Variants in TOX observed in about 807,000 individuals in gnomAD.
TOX encodes the protein thymocyte selection-associated high mobility group box protein TOX.
Under a neutral mutation model 53.7 loss-of-function variants are expected in TOX, and 11 were observed. The ratio of observed to expected loss-of-function variants is 0.20; its 90% CI spans 0.13 to 0.34. The LOEUF (loss-of-function observed/expected upper bound fraction) is 0.34. TOX is among the 10% of genes least tolerant of loss of function. The probability of loss-of-function intolerance (pLI) is 1.00; values close to 1 mark genes in which losing one functional copy is unlikely to be tolerated. For missense variants in TOX, 570 were observed against 664.6 expected (o/e 0.86, Z 1.56); for synonymous variants, 225 against 245.3 (o/e 0.92, Z 0.77).
chr8:58,847,586 G>A (rs73243060), intron 4 of TOX, among the ~76,000 whole-genome samples: 5,745 of 151,992 alleles, frequency 0.038, 199 homozygotes, highest in East Asian at 0.14. Flanking sequence ...CATGAGAAGG[G>A]AGCAAGAATG....
chr8:58,908,736 G>A (rs1209972593), intron 3 of TOX, among the ~76,000 whole-genome samples: 3 of 152,054 alleles, frequency 2.0e-5, no homozygotes, highest in Admixed American at 2.0e-4. Flanking sequence ...TTAGCCCCTG[G>A]AACACACAAG....
At chr8:59,063,098 T>G (rs1303025779) in intron 1 of TOX, among the ~76,000 whole-genome samples, 1 of 152,148 alleles carries the variant, frequency 6.6e-6, no homozygotes, top group Non-Finnish European at 1.5e-5. Flanking sequence ...ACATTTTGAG[T>G]AGGTATTAGT....
In TOX at chr8:59,052,396, T is replaced by A. The variant is rs1034708429; in HGVS notation, c.102+66490A>T. On this transcript the variant is annotated intron_variant, in intron 1 of 8. Coordinates refer to ENST00000361421, the MANE Select transcript of TOX (RefSeq NM_014729.3). ...CTTTAATGAAATCAAATGTCACGTGTCATGTGGAAATAAATCATATTATTT... is the reference window on the plus strand; with the variant it reads ...CTTTAATGAAATCAAATGTCACGTGACATGTGGAAATAAATCATATTATTT... 7.9e-5 allele frequency among the ~76,000 whole-genome samples: 12 copies of A among 152,194 alleles called. No homozygotes were observed. In the East Asian group the frequency reaches 2.1e-3, roughly 27 times the overall value.
At chr8:58,940,978 CAG>C (rs1031393314) in intron 2 of TOX, among the ~76,000 whole-genome samples, 34 of 152,206 alleles carry the variant, frequency 2.2e-4, no homozygotes, top group African/African-American at 7.7e-4. Flanking sequence ...AGGTTAGAGA[CAG>C]GGGGTGTATG....
intron 3 of TOX, among the ~76,000 whole-genome samples, chr8:58,869,517 A>G (rs1811163080): frequency 1.3e-5 from 2 of 152,130 alleles, no homozygotes; most frequent in African/African-American, 4.8e-5. Flanking sequence ...CAGACGAAAG[A>G]CTTCATAACT....
At chr8:58,905,785 T>C (rs1811803576) in intron 3 of TOX, among the ~76,000 whole-genome samples, 1 of 152,244 alleles carries the variant, frequency 6.6e-6, no homozygotes, top group African/African-American at 2.4e-5. Flanking sequence ...TTTTCCATTA[T>C]GTTTCATTAT....
chr8:58,938,298 T>C lies in TOX; in HGVS notation c.411+1004A>G, dbSNP rs1474012596. ...GATTTAGATAAGTGATAATATGAAA[T>C]GTGTTTTTTAATATTGGCAAGTTAA... On this transcript the variant is annotated intron_variant, in intron 3 of 8. Transcript: ENST00000361421. Among the ~76,000 whole-genome samples the C allele has an allele frequency of 2.0e-5, 3 of 152,364 alleles. No individual in the cohort carries two copies. In the East Asian group the frequency reaches 5.8e-4, roughly 29 times the overall value.
At chr8:58,890,400 G>A (rs1811542711) in intron 3 of TOX, among the ~76,000 whole-genome samples, 1 of 152,164 alleles carries the variant, frequency 6.6e-6, no homozygotes, top group Admixed American at 6.5e-5. Flanking sequence ...ATGTTAGAAA[G>A]CAGAAGTCGG....
intron 3 of TOX, among the ~76,000 whole-genome samples, chr8:58,852,585 C>A (rs1038973940): frequency 5.3e-5 from 8 of 152,120 alleles, no homozygotes; most frequent in Non-Finnish European, 1.0e-4. Context: ...GAGGATGAAG[C>A]TTTTAAGGTA....
At chr8:59,010,679 T>C (rs1388372151) in intron 1 of TOX, among the ~76,000 whole-genome samples, 1 of 152,248 alleles carries the variant, frequency 6.6e-6, no homozygotes, top group Admixed American at 6.5e-5. Context: ...TACCACATAG[T>C]GTTATCATGA....
At chr8:58,836,498 T>C (rs1194556192) in intron 5 of TOX, among the ~76,000 whole-genome samples, 9 of 152,208 alleles carry the variant, frequency 5.9e-5, no homozygotes, top group Admixed American at 5.2e-4. Context: ...GTGTGTTTCC[T>C]GTTCTTAAAG....
At chr8:59,029,149 A>C (rs968441426) in intron 1 of TOX, among the ~76,000 whole-genome samples, 1 of 152,030 alleles carries the variant, frequency 6.6e-6, no homozygotes, top group African/African-American at 2.4e-5. Context: ...GGCAAAAATG[A>C]CTTCAGTCTA....
chr8:59,038,945 CG>C (rs1422680705), intron 1 of TOX, among the ~76,000 whole-genome samples: 124 of 152,352 alleles, frequency 8.1e-4, no homozygotes, highest in African/African-American at 2.7e-3. Flanking sequence ...TCACTGGACT[CG>C]GGGAATGCCA....
At chr8:58,994,412 GTGTGTGT>G (rs1181785066) in intron 1 of TOX, among the ~76,000 whole-genome samples, 3 of 150,060 alleles carry the variant, frequency 2.0e-5, no homozygotes, top group African/African-American at 5.0e-5. Context: ...GTGTGTGTGT[GTGTGTGT>G]GCGCGCGCGC....
intron 3 of TOX, among the ~76,000 whole-genome samples, chr8:58,935,811 G>C (rs1812334005): frequency 6.6e-6 from 1 of 152,190 alleles, no homozygotes; most frequent in Admixed American, 6.5e-5. Context: ...GAAGTGTGAT[G>C]AGCAAATTTA....
chr8:59,045,380 AG>A (rs1396299376), intron 1 of TOX, among the ~76,000 whole-genome samples: 1 of 152,234 alleles, frequency 6.6e-6, no homozygotes, highest in Non-Finnish European at 1.5e-5. Flanking sequence ...AAAATGCCTC[AG>A]AGCTCAAGAT....
At chr8:59,013,851 A>G (rs1240462715) in intron 1 of TOX, among the ~76,000 whole-genome samples, 4 of 152,234 alleles carry the variant, frequency 2.6e-5, no homozygotes, top group African/African-American at 9.6e-5. Context: ...AAATCAAGTC[A>G]TGTTGTTTCC....
chr8:58,844,886 GATTTA>G (rs935800983), intron 4 of TOX, among the ~76,000 whole-genome samples: 3 of 152,058 alleles, frequency 2.0e-5, no homozygotes, highest in African/African-American at 7.2e-5. Context: ...GTAAGACATA[GATTTA>G]TTTCTCAAAT....
In TOX at chr8:58,987,025, C is replaced by T. The variant is rs367779442; in HGVS notation, c.103-27017G>A. On this transcript the variant is annotated intron_variant, in intron 1 of 8. Coordinates refer to ENST00000361421, the MANE Select transcript of TOX (RefSeq NM_014729.3). ...ATTACCTTCTTTAAGAGGCCTAGAG[C>T]TTAGCATCGGTATATTTGCACACGT... Among the ~76,000 whole-genome samples the T allele has an allele frequency of 3.3e-5, 5 of 152,312 alleles. No individual in the cohort carries two copies. The East Asian group carries it at 7.7e-4, about 24-fold the overall frequency.
Sources: allele counts gnomAD v4.1 joint callset (sites outside exome capture counted in the v4.1 genomes callset), GRCh38; gene constraint gnomAD v4.1.1; transcripts MANE v1.5; gene names NCBI Gene and HGNC (gene_info 2026-07-23, HGNC 2026-07-21).